The following CNKSR2 variants were observed in gnomAD, a reference collection of about 807,000 sequenced individuals.
CNKSR2 encodes the protein connector enhancer of kinase suppressor of Ras 2, also known as CNK homolog protein 2.
Under a neutral mutation model 84.4 loss-of-function variants are expected in CNKSR2, and 14 were observed. The ratio of observed to expected loss-of-function variants is 0.17; its 90% CI spans 0.11 to 0.26. The LOEUF (loss-of-function observed/expected upper bound fraction) is 0.26. Ranked by LOEUF, CNKSR2 falls within the 10% of genes least tolerant of loss-of-function variation. The probability of loss-of-function intolerance (pLI) is 1.00; values close to 1 mark genes in which losing one functional copy is unlikely to be tolerated. For synonymous variants in CNKSR2, 275 were observed against 277.9 expected (o/e 0.99, Z 0.10); for missense variants, 485 against 771.2 (o/e 0.63, Z 4.40).
intron 10 of CNKSR2, among the ~76,000 whole-genome samples, chrX:21,527,359 AT>A (rs1166192166): frequency 1.3e-4 from 14 of 107,715 alleles, no homozygotes; most frequent in East Asian, 5.8e-4. Context: ...CATTTCATAC[AT>A]TTTTTTTTTA....
chrX:21,383,483 C>T (rs2089926827), intron 1 of CNKSR2, among the ~76,000 whole-genome samples: 1 of 112,044 alleles, frequency 8.9e-6, no homozygotes, highest in Admixed American at 9.4e-5. Context: ...TGCACTGACA[C>T]CAATATATGA....
chrX:21,390,394 C>T lies in CNKSR2; in HGVS notation c.64+15433C>T, dbSNP rs762211646. Among the ~76,000 whole-genome samples the T allele has an allele frequency of 2.6e-3, 283 of 110,854 alleles. 1 individual carries two copies. Among genetic ancestry groups the T allele is most frequent in the African/African-American group, 8.9e-3 (272 of 30,442 alleles). ...TTGGCTCACAGTTCCACAGGCTGTA[C>T]AGGAAACATGGCTGGGGAAACCTCA... On this transcript the variant is annotated intron_variant, in intron 1 of 21. Transcript: ENST00000379510.
chrX:21,518,787 G>C (rs910054250), intron 9 of CNKSR2, among the ~76,000 whole-genome samples: 2 of 111,425 alleles, frequency 1.8e-5, no homozygotes, highest in African/African-American at 6.5e-5. Flanking sequence ...CGCTTATTCA[G>C]CTATGCTGCA....
At chrX:21,602,641 G>A (rs1435405367) in intron 18 of CNKSR2, among the ~76,000 whole-genome samples, 3 of 111,118 alleles carry the variant, frequency 2.7e-5, no homozygotes, top group Non-Finnish European at 5.7e-5. Context: ...TGTTGCATAG[G>A]CCTAAATTTA....
chrX:21,592,362 C>G (rs1476051086), intron 15 of CNKSR2: 1 of 111,738 alleles, frequency 8.9e-6, no homozygotes, highest in African/African-American at 3.3e-5. Flanking sequence ...AGGAGGATCA[C>G]TTGAGCTCAG....
intron 13 of CNKSR2, among the ~76,000 whole-genome samples, chrX:21,567,795 GGTGTGTGTGTGTGTGTGT>G (rs58020537): frequency 5.5e-5 from 5 of 90,131 alleles, no homozygotes; most frequent in African/African-American, 1.2e-4. Context: ...GTTTTTGTGT[GGTGTGTGTGTGTGTGTGT>G]GTGTGTGTGT....
At chrX:21,423,979 G>A (rs1569160278) in intron 1 of CNKSR2, 5 of 111,086 alleles carry the variant, frequency 4.5e-5, no homozygotes, top group Admixed American at 3.8e-4. Context: ...TGTTTTTTCA[G>A]TCTTGAGATG....
In CNKSR2 at chrX:21,621,018, C is replaced by T. The variant is rs775192473; in HGVS notation, c.2692+11401C>T. On this transcript the variant is annotated intron_variant, in intron 20 of 21. Coordinates refer to ENST00000379510, the MANE Select transcript of CNKSR2 (RefSeq NM_014927.5). ...GCATAATGGTCTTGCCCTTTGCTCT[C>T]ACCATATGCCTTGCACATTGTATAT... 3.1e-4 allele frequency among the ~76,000 whole-genome samples: 35 copies of T among 111,398 alleles called. No individual in the cohort carries two copies. In the Admixed American group the frequency reaches 3.1e-3, roughly 10 times the overall value.
At chrX:21,504,316 A>G (rs1410756223) in intron 8 of CNKSR2, 2 of 111,726 alleles carry the variant, frequency 1.8e-5, no homozygotes, top group African/African-American at 6.5e-5. Context: ...TAGTTACATT[A>G]AAGTATGGCC....
intron 1 of CNKSR2, among the ~76,000 whole-genome samples, chrX:21,386,354 A>G (rs911154851): frequency 8.9e-6 from 1 of 111,873 alleles, no homozygotes; most frequent in Non-Finnish European, 1.9e-5. Context: ...TTGTGATATG[A>G]TAGGAAAGTT....
intron 1 of CNKSR2, among the ~76,000 whole-genome samples, chrX:21,417,780 T>C (rs1291861481): frequency 1.8e-5 from 2 of 111,715 alleles, no homozygotes; most frequent in African/African-American, 6.5e-5. Flanking sequence ...ACTTTCAGTC[T>C]ATGTGTGTCT....
At chrX:21,626,527 A>G (rs753734100) in intron 20 of CNKSR2, among the ~76,000 whole-genome samples, 1 of 111,890 alleles carries the variant, frequency 8.9e-6, no homozygotes, top group Non-Finnish European at 1.9e-5. Context: ...TAATTCAACA[A>G]TCCAGATGAG....
intron 20 of CNKSR2, among the ~76,000 whole-genome samples, chrX:21,610,313 A>G (rs1051368644): frequency 1.8e-5 from 2 of 112,236 alleles, no homozygotes; most frequent in Non-Finnish European, 3.8e-5. Flanking sequence ...CCTTGTTGAC[A>G]TTAAGAATAT....
intron 4 of CNKSR2, among the ~76,000 whole-genome samples, chrX:21,445,846 T>A (rs1429497091): frequency 8.9e-6 from 1 of 111,987 alleles, no homozygotes; most frequent in Non-Finnish European, 1.9e-5. Context: ...TCTATTCATC[T>A]GTTGATTAAC....
intron 1 of CNKSR2, among the ~76,000 whole-genome samples, chrX:21,397,293 A>G (rs775971258): frequency 1.8e-5 from 2 of 111,765 alleles, no homozygotes; most frequent in Non-Finnish European, 3.8e-5. Flanking sequence ...ATTCACTTTA[A>G]TAATTTTCCA....
At chrX:21,601,111 A>G (rs903574402) in intron 17 of CNKSR2, among the ~76,000 whole-genome samples, 171 bp from the exon 18 acceptor site, 3 of 112,217 alleles carry the variant, frequency 2.7e-5, no homozygotes, top group Non-Finnish European at 5.6e-5. Flanking sequence ...AATTTGTACT[A>G]TAGCAAATTG....
At chrX:21,521,849 A>G (rs2091787701) in intron 9 of CNKSR2, among the ~76,000 whole-genome samples, 1 of 110,676 alleles carries the variant, frequency 9.0e-6, no homozygotes, top group Non-Finnish European at 1.9e-5. Context: ...GGATACTCAA[A>G]CCTTTTGTAT....
intron 11 of CNKSR2, among the ~76,000 whole-genome samples, chrX:21,542,960 A>G (rs373671228): frequency 1.7e-4 from 19 of 112,388 alleles, no homozygotes; most frequent in African/African-American, 5.5e-4. Context: ...TCTCTGTAAC[A>G]TTATACCTGA....
At chrX:21,445,486 T>C (rs763560537) in intron 4 of CNKSR2, among the ~76,000 whole-genome samples, 2 of 110,771 alleles carry the variant, frequency 1.8e-5, no homozygotes, top group South Asian at 7.6e-4. Flanking sequence ...TTTGAAAATA[T>C]GCAATAAATT....
Sources: gnomAD v4.1 joint callset for allele counts (sites outside exome capture counted in the v4.1 genomes callset) on GRCh38, gnomAD v4.1.1 for gene constraint, MANE v1.5 for transcripts, NCBI Gene and HGNC (gene_info 2026-07-23, HGNC 2026-07-21) for gene names.